Variants in CACNG2 observed in about 807,000 individuals in gnomAD.
CACNG2 encodes the protein voltage-dependent calcium channel gamma-2 subunit.
In CACNG2, 3 loss-of-function variants were observed where a neutral mutation model predicts 25.9. The observed-to-expected ratio is 0.12, with a 90% confidence interval of 0.05 to 0.30. The LOEUF is 0.30. Among genes scored for constraint, CACNG2 ranks in the 10% least tolerant of loss-of-function variants. The pLI is 1.00. For synonymous variants in CACNG2, 167 were observed against 173.3 expected, an observed-to-expected ratio of 0.96 and a Z score of 0.29; for missense variants, 341 against 432.5, an observed-to-expected ratio of 0.79 and a Z score of 1.88.
Position 36,564,625 on chromosome 22 carries a change from T to C in CACNG2, c.698A>G (p.Tyr233Cys). ...ITRIPSYRYR[Y>C]QRRSRSSSRS... ...CGAGCTGGAGCGGCTGCGGCGCTGG[T>C]AGCGGTAGCGGTAGCTGGGGATGCG... Residue 233 changes from tyrosine (Y) to cysteine (C), a missense_variant, in exon 4 of 4, where the codon TAC (tyrosine) becomes TGC (cysteine). By Grantham distance (194) the Tyr-to-Cys change is radical (BLOSUM62 -2). Transcript: ENST00000300105. This position sits in a 1 kb window ranked among gnomAD's most constrained non-coding sequence, Gnocchi z 6.7. The C allele has an allele frequency of 1.2e-6, 2 of 1,613,772 alleles. No individual in the cohort carries two copies. Among genetic ancestry groups the C allele is most frequent in the East Asian group, 4.5e-5 (2 of 44,884 alleles).
chr22:36,703,224 G>A lies in CACNG2; in HGVS notation c.-648C>T. On this transcript the variant is annotated 5_prime_UTR_variant, in exon 1 of 4. Coordinates refer to ENST00000300105, the MANE Select transcript of CACNG2 (RefSeq NM_006078.5). ...CAGGTGCGGGGGTCTCGCTTTCCAT[G>A]GTTTTGCCCGGGCAGCGGCGGCGGC... The A allele has an allele frequency of 6.4e-6, 1 of 155,396 alleles. No homozygotes were observed. Among genetic ancestry groups the A allele is most frequent in the East Asian group, 1.9e-4 (1 of 5,258 alleles). 9.6% of individuals were successfully genotyped at this position (155,396 alleles called of 1,614,324 possible). A position where few individuals can be genotyped will look rare whatever the true frequency, so the allele number is the denominator to read the frequency against.
At chr22:36,686,532 C>G (rs931083675) in intron 1 of CACNG2, among the ~76,000 whole-genome samples, 1 of 152,206 alleles carries the variant, frequency 6.6e-6, no homozygotes, top group Non-Finnish European at 1.5e-5. Flanking sequence ...GGGCCTGCCT[C>G]CCAGAGCTGG....
chr22:36,582,721 T>G (rs1323126482), intron 2 of CACNG2, among the ~76,000 whole-genome samples: 2 of 151,862 alleles, frequency 1.3e-5, no homozygotes, highest in Non-Finnish European at 2.9e-5. Flanking sequence ...TGTTCATTCT[T>G]GATCCCATCC....
At chr22:36,670,950 T>A (rs1569047432) in intron 1 of CACNG2, among the ~76,000 whole-genome samples, 2 of 150,634 alleles carry the variant, frequency 1.3e-5, no homozygotes, top group African/African-American at 2.4e-5. Flanking sequence ...GACGGAGTCT[T>A]GCTCTCTCAC....
At chr22:36,586,763 C>T (rs1295243545) in intron 2 of CACNG2, among the ~76,000 whole-genome samples, 1 of 152,214 alleles carries the variant, frequency 6.6e-6, no homozygotes, top group Non-Finnish European at 1.5e-5. Flanking sequence ...CAAGGACTCT[C>T]AGCCCCTCTC....
chr22:36,576,248 CTA>C (rs1244782452), intron 2 of CACNG2, among the ~76,000 whole-genome samples: 1 of 152,096 alleles, frequency 6.6e-6, no homozygotes. Flanking sequence ...AGATCGGAGA[CTA>C]TTATTCTAAG....
chr22:36,663,047 A>AAG (rs1018102309), intron 1 of CACNG2, among the ~76,000 whole-genome samples: 2 of 143,636 alleles, frequency 1.4e-5, no homozygotes, highest in African/African-American at 3.0e-5. Context: ...TTAAAAAAAA[A>AAG]AGAGAGAGAG....
At chr22:36,691,663 C>G (rs752770282) in intron 1 of CACNG2, among the ~76,000 whole-genome samples, 1 of 152,176 alleles carries the variant, frequency 6.6e-6, no homozygotes, top group Non-Finnish European at 1.5e-5. Flanking sequence ...TGCTGTGTGA[C>G]CTGGGGCAAG....
At chr22:36,625,479 G>C (rs1936170853) in intron 1 of CACNG2, among the ~76,000 whole-genome samples, 1 of 152,190 alleles carries the variant, frequency 6.6e-6, no homozygotes, top group Non-Finnish European at 1.5e-5. Context: ...GGTGTCCCCA[G>C]GGTCTAGATA....
intron 1 of CACNG2, among the ~76,000 whole-genome samples, chr22:36,637,853 C>T (rs1210142189): frequency 6.6e-6 from 1 of 152,038 alleles, no homozygotes; most frequent in Admixed American, 6.5e-5. Flanking sequence ...GAAACTCTGT[C>T]TCTACTAAAA....
chr22:36,678,040 G>A (rs1937040542), intron 1 of CACNG2, among the ~76,000 whole-genome samples: 1 of 152,216 alleles, frequency 6.6e-6, no homozygotes, highest in Non-Finnish European at 1.5e-5. Flanking sequence ...GAGGCTTCAA[G>A]TGTTGCAGAG....
At chr22:36,583,368 G>T (rs1210529384) in intron 2 of CACNG2, among the ~76,000 whole-genome samples, 1 of 151,776 alleles carries the variant, frequency 6.6e-6, no homozygotes, top group East Asian at 1.9e-4. Flanking sequence ...AGGAGGCAGA[G>T]GTTGCAGTGA....
chr22:36,608,004 T>A (rs567193209), intron 1 of CACNG2, among the ~76,000 whole-genome samples: 27 of 152,236 alleles, frequency 1.8e-4, no homozygotes, highest in Middle Eastern at 3.4e-3. Context: ...CCCGTAAGCA[T>A]CTCCAACTTT....
chr22:36,672,139 G>A (rs1936960037), intron 1 of CACNG2, among the ~76,000 whole-genome samples: 1 of 151,846 alleles, frequency 6.6e-6, no homozygotes, highest in Admixed American at 6.6e-5. Context: ...AGGGGCCCTG[G>A]TGGGGCTACA....
At chr22:36,594,488 A>T (rs1422963227) in intron 1 of CACNG2, among the ~76,000 whole-genome samples, 1 of 152,218 alleles carries the variant, frequency 6.6e-6, no homozygotes, top group Non-Finnish European at 1.5e-5. Flanking sequence ...CAGACAGAAA[A>T]CACACGCTGT....
chr22:36,671,921 T>A (rs953315467), intron 1 of CACNG2, among the ~76,000 whole-genome samples: 2 of 152,172 alleles, frequency 1.3e-5, no homozygotes, highest in African/African-American at 4.8e-5. Flanking sequence ...AAGAGGTGTA[T>A]TCTTGGGGAT....
chr22:36,601,878 T>C (rs980015499), intron 1 of CACNG2, among the ~76,000 whole-genome samples: 1 of 152,216 alleles, frequency 6.6e-6, no homozygotes, highest in African/African-American at 2.4e-5. Flanking sequence ...TTTTTATTTT[T>C]TTTTGAGGAA....
chr22:36,595,886 A>T (rs1486601040), intron 1 of CACNG2, among the ~76,000 whole-genome samples: 1 of 152,232 alleles, frequency 6.6e-6, no homozygotes, highest in Non-Finnish European at 1.5e-5. Flanking sequence ...GTGGGCTGGC[A>T]CAGCTCTGGC....
At position 36,601,625 on chromosome 22, in the gene CACNG2, C is replaced by T. The variant is rs532299815; in HGVS notation, c.212-14077G>A. 2.0e-5 allele frequency among the ~76,000 whole-genome samples: 3 copies of T among 152,254 alleles called. No homozygotes were observed. The South Asian group carries it at 6.2e-4, about 32-fold the overall frequency. ...TCTCATGCTTCAGGCTCCCAAATTACAGGCGCCTGCCACTACGCCTGGCTA... is the reference window on the plus strand; with the variant it reads ...TCTCATGCTTCAGGCTCCCAAATTATAGGCGCCTGCCACTACGCCTGGCTA... On this transcript the variant is annotated intron_variant, in intron 1 of 3. Coordinates refer to ENST00000300105, the MANE Select transcript of CACNG2 (RefSeq NM_006078.5).
Sources: gnomAD v4.1 joint callset for allele counts (sites outside exome capture counted in the v4.1 genomes callset) on GRCh38, gnomAD v4.1.1 for gene constraint, Gnocchi (gnomAD v3.1) non-coding constraint, MANE v1.5 for transcripts, NCBI Gene and HGNC (gene_info 2026-07-23, HGNC 2026-07-21) for gene names.